Variants in PRKN observed in about 807,000 individuals in gnomAD.
PRKN encodes E3 ubiquitin-protein ligase parkin.
A neutral mutation model predicts 59.5 loss-of-function variants in PRKN; 56 were observed. The ratio of observed to expected loss-of-function variants is 0.94; its 90% CI spans 0.76 to 1.18. PRKN has a LOEUF of 1.18. PRKN is among the 50% of genes most tolerant of loss of function. The probability of loss-of-function intolerance (pLI) is 0.00; values close to 1 mark genes in which losing one functional copy is unlikely to be tolerated. For synonymous variants in PRKN, 250 were observed against 222.1 expected (o/e 1.13, Z -1.12); for missense variants, 657 against 596.4 (o/e 1.10, Z -1.06).
intron 1 of PRKN, among the ~76,000 whole-genome samples, chr6:162,532,326 C>T (rs1272347108): frequency 2.0e-5 from 3 of 152,240 alleles, no homozygotes; most frequent in Non-Finnish European, 4.4e-5. Context: ...TGTCACCTTA[C>T]AGAGCTAAGT....
rs962782806 is a variant in PRKN at position 161,397,169 on chromosome 6, C to T, written c.1084-10292G>A. ...TCTTCTAAAGGGATAGGATTTGTATCTTATTCATCTTTGTCTTCCCAAGAT... is the reference window on the plus strand; with the variant it reads ...TCTTCTAAAGGGATAGGATTTGTATTTTATTCATCTTTGTCTTCCCAAGAT... On this transcript the variant is annotated intron_variant, in intron 9 of 11. Transcript: ENST00000366898. This position sits in a 1 kb window ranked among gnomAD's most constrained non-coding sequence, Gnocchi z 4.2. Among the ~76,000 whole-genome samples the T allele has an allele frequency of 7.2e-5, 11 of 152,156 alleles. No individual in the cohort carries two copies. Among genetic ancestry groups the T allele is most frequent in the African/African-American group, 2.4e-4 (10 of 41,430 alleles).
In PRKN at chr6:161,566,034, T is replaced by C. The variant is rs76155207; in HGVS notation, c.933+3321A>G. Among the ~76,000 whole-genome samples the C allele has an allele frequency of 9.5e-4, 144 of 152,328 alleles. No homozygotes were observed. The highest frequency in any genetic ancestry group is 3.2e-3 in the African/African-American group (133 of 41,588). On this transcript the variant is annotated intron_variant, in intron 8 of 11. Coordinates refer to ENST00000366898, the MANE Select transcript of PRKN (RefSeq NM_004562.3). The surrounding 1 kb of genome is among the most constrained non-coding windows in gnomAD (Gnocchi z 4.1). The stretch of plus-strand genomic sequence containing the variant: ...GTCTCCCAACTCCTCTACTGAATCA[T>C]TACCATCAGTACATAGACATGCTGC...
intron 1 of PRKN, among the ~76,000 whole-genome samples, chr6:162,599,009 C>T (rs961798656): frequency 4.6e-5 from 7 of 152,130 alleles, no homozygotes; most frequent in African/African-American, 1.7e-4. Flanking sequence ...TACTCCTATA[C>T]TGAAAGAGCT....
At chr6:161,514,817 C>T (rs1226068547) in intron 9 of PRKN, among the ~76,000 whole-genome samples, 1 of 152,088 alleles carries the variant, frequency 6.6e-6, no homozygotes, top group Non-Finnish European at 1.5e-5. Context: ...CAGGAACCCA[C>T]CCCTTGAAAA....
In PRKN at chr6:161,368,898, A is replaced by G. The variant is rs147801901; in HGVS notation, c.1168-8693T>C. Among the ~76,000 whole-genome samples, 396 of 152,278 alleles carry G rather than the reference A, an allele frequency of 2.6e-3. 2 individuals carry two copies. Among genetic ancestry groups the G allele is most frequent in the South Asian group, 7.5e-3 (36 of 4,832 alleles). ...TAACATGTGGGAAAGGGTCACCAAG[A>G]AGGCCCTTGGAGTTCCTGCCCTTCT... On this transcript the variant is annotated intron_variant, in intron 10 of 11. Transcript: ENST00000366898.
chr6:162,293,537 C>T (rs558729347), intron 2 of PRKN, among the ~76,000 whole-genome samples: 1 of 152,290 alleles, frequency 6.6e-6, no homozygotes, highest in Non-Finnish European at 1.5e-5. Flanking sequence ...GAGATCACCG[C>T]CCTGGAGAGG....
rs6455733 is a variant in PRKN, at chr6:161,529,415, C to T, written c.1083+19439G>A. 0.072 allele frequency among the ~76,000 whole-genome samples: 10,898 copies of T among 152,128 alleles called. 521 individuals are homozygous for T. The highest frequency in any genetic ancestry group is 0.13 in the African/African-American group (5,449 of 41,460). On this transcript the variant is annotated intron_variant, in intron 9 of 11. Coordinates refer to ENST00000366898, the MANE Select transcript of PRKN (RefSeq NM_004562.3). This position sits in a 1 kb window ranked among gnomAD's most constrained non-coding sequence, Gnocchi z 4.4. ...CTCTGGTAATGTCAATACCAGCATGCAAGAAAGCTCCGAGTCTTAGAGATG... is the reference window on the plus strand; with the variant it reads ...CTCTGGTAATGTCAATACCAGCATGTAAGAAAGCTCCGAGTCTTAGAGATG...
At position 161,373,228 on chromosome 6, in the gene PRKN, G is replaced by C. The variant is rs1344896023; in HGVS notation, c.1168-13023C>G. ...TCTCCTTGACCTCAAAGTTAACTGA[G>C]TATAGATGTTAACCACGTCTACAAA... On this transcript the variant is annotated intron_variant, in intron 10 of 11. Coordinates refer to ENST00000366898, the MANE Select transcript of PRKN (RefSeq NM_004562.3). This position sits in a 1 kb window ranked among gnomAD's most constrained non-coding sequence, Gnocchi z 4.8. Among the ~76,000 whole-genome samples the C allele has an allele frequency of 6.6e-6, 1 of 152,144 alleles. No homozygotes were observed. Among genetic ancestry groups the C allele is most frequent in the African/African-American group, 2.4e-5 (1 of 41,436 alleles).
chr6:162,077,108 G>A (rs572081051), intron 4 of PRKN, among the ~76,000 whole-genome samples: 3 of 152,206 alleles, frequency 2.0e-5, no homozygotes, highest in South Asian at 2.1e-4. Context: ...CACCAGGAAC[G>A]TGGCAGACAT....
intron 7 of PRKN, among the ~76,000 whole-genome samples, chr6:161,746,310 T>C (rs540011778): frequency 6.6e-6 from 1 of 152,000 alleles, no homozygotes; most frequent in African/African-American, 2.4e-5. Flanking sequence ...TGAGTAAGAC[T>C]TCCCAGAGAC....
At chr6:162,103,979 G>A (rs955729616) in intron 4 of PRKN, among the ~76,000 whole-genome samples, 3 of 152,250 alleles carry the variant, frequency 2.0e-5, no homozygotes, top group African/African-American at 4.8e-5. Context: ...ATGGCAGCCT[G>A]TGCTGTGGAG....
intron 2 of PRKN, among the ~76,000 whole-genome samples, chr6:162,414,227 T>C (rs1283552002): frequency 6.6e-6 from 1 of 152,048 alleles, no homozygotes; most frequent in Admixed American, 6.6e-5. Context: ...CTGTTGGCTT[T>C]AGGAAATGCA....
intron 6 of PRKN, among the ~76,000 whole-genome samples, chr6:161,892,165 G>A (rs1795366042): frequency 6.6e-6 from 1 of 152,070 alleles, no homozygotes; most frequent in Non-Finnish European, 1.5e-5. Context: ...TGGGTACAGG[G>A]GCTCATGCCT....
chr6:162,095,426 C>T (rs913519860), intron 4 of PRKN, among the ~76,000 whole-genome samples: 1 of 152,106 alleles, frequency 6.6e-6, no homozygotes, highest in Admixed American at 6.6e-5. Flanking sequence ...ATTTGGTATG[C>T]AGCACACCAT....
At chr6:162,612,804 G>A (rs759634739) in intron 1 of PRKN, among the ~76,000 whole-genome samples, 1 of 151,976 alleles carries the variant, frequency 6.6e-6, no homozygotes. Flanking sequence ...CCTAGGGAGG[G>A]TGCAGCTTCC....
intron 2 of PRKN, among the ~76,000 whole-genome samples, chr6:162,305,249 A>T (rs531292178): frequency 6.6e-6 from 1 of 152,266 alleles, no homozygotes; most frequent in East Asian, 1.9e-4. Flanking sequence ...GTCTTTGTAA[A>T]CGGAAGTGCC....
At chr6:161,827,036 T>A (rs917981101) in intron 6 of PRKN, among the ~76,000 whole-genome samples, 1 of 152,216 alleles carries the variant, frequency 6.6e-6, no homozygotes, top group African/African-American at 2.4e-5. Context: ...GGGAATGAGC[T>A]TGGAGGACTA....
chr6:162,127,233 C>T (rs1224339719), intron 4 of PRKN, among the ~76,000 whole-genome samples: 1 of 152,238 alleles, frequency 6.6e-6, no homozygotes, highest in Non-Finnish European at 1.5e-5. Context: ...GCTGTGACTA[C>T]CTGCCTAATG....
rs1784398788 is a variant in PRKN at position 161,347,975 on chromosome 6, A to G, written c.*2124T>C. 2 of 176,594 alleles carry G rather than the reference A, an allele frequency of 1.1e-5. No individual in the cohort carries two copies. The highest frequency in any genetic ancestry group is 9.6e-5 in the East Asian group (1 of 10,382). 10.9% of individuals were successfully genotyped at this position (176,594 alleles called of 1,614,324 possible). ...CTGGAAAGGGAAAAGACCACCACCAAGAAGGGAAAGGAGACCATGCTGGAC... is the reference window on the plus strand; with the variant it reads ...CTGGAAAGGGAAAAGACCACCACCAGGAAGGGAAAGGAGACCATGCTGGAC... On this transcript the variant is annotated 3_prime_UTR_variant, in exon 12 of 12. Transcript: ENST00000366898.
Sources: allele counts gnomAD v4.1 joint callset (sites outside exome capture counted in the v4.1 genomes callset), GRCh38; gene constraint gnomAD v4.1.1; non-coding constraint Gnocchi (gnomAD v3.1); transcripts MANE v1.5; gene names NCBI Gene and HGNC (gene_info 2026-07-23, HGNC 2026-07-21).